SKAP1: variants seen among roughly 807,000 people sequenced by gnomAD.
SKAP1 encodes the protein src kinase associated phosphoprotein 1, also known as src kinase-associated phosphoprotein 1.
In SKAP1, 44 loss-of-function variants were observed where a neutral mutation model predicts 58.5. That is an observed-to-expected ratio of 0.75 (90% CI 0.59 to 0.97). The LOEUF is 0.97. Among genes scored for constraint, SKAP1 ranks in the 50% least tolerant of loss-of-function variants. The probability of loss-of-function intolerance (pLI) is 0.00; values close to 1 mark genes in which losing one functional copy is unlikely to be tolerated. For missense variants in SKAP1, 390 were observed against 435.2 expected, an observed-to-expected ratio of 0.90 and a Z score of 0.92; for synonymous variants, 127 against 149.7, an observed-to-expected ratio of 0.85 and a Z score of 1.11.
intron 4 of SKAP1, among the ~76,000 whole-genome samples, chr17:48,305,146 T>C (rs2066119566): frequency 6.6e-6 from 1 of 152,178 alleles, no homozygotes; most frequent in East Asian, 1.9e-4. Context: ...GGAATTCAAG[T>C]GTCAGTGTCA....
chr17:48,255,297 G>T (rs2065410286), intron 4 of SKAP1, among the ~76,000 whole-genome samples: 1 of 151,890 alleles, frequency 6.6e-6, no homozygotes, highest in Non-Finnish European at 1.5e-5. Flanking sequence ...CTCATTAAAG[G>T]TGACCTCCAC....
the SKAP1 span, among the ~76,000 whole-genome samples, chr17:48,443,872 A>C: frequency 1.3e-5 from 2 of 152,164 alleles, no homozygotes; most frequent in Non-Finnish European, 2.9e-5. Flanking sequence ...ATTCACTTGG[A>C]ATCATCAATT....
chr17:48,305,574 T>C (rs553417173), intron 4 of SKAP1, among the ~76,000 whole-genome samples: 1 of 152,340 alleles, frequency 6.6e-6, no homozygotes, highest in South Asian at 2.1e-4. Flanking sequence ...GGAGTGATGC[T>C]GGAAAAGATG....
intron 4 of SKAP1, among the ~76,000 whole-genome samples, chr17:48,256,397 G>A (rs987066892): frequency 2.6e-5 from 4 of 152,034 alleles, no homozygotes; most frequent in African/African-American, 9.7e-5. Flanking sequence ...AAAGGTGAAA[G>A]TGGTTAGCCA....
intron 4 of SKAP1, among the ~76,000 whole-genome samples, chr17:48,262,023 G>C (rs922082100): frequency 2.6e-5 from 4 of 152,106 alleles, no homozygotes; most frequent in Non-Finnish European, 4.4e-5. Context: ...TGCTGCCAAG[G>C]GTCTGCAACT....
At chr17:48,144,090 A>G (rs1417896644) in intron 11 of SKAP1, among the ~76,000 whole-genome samples, 1 of 152,184 alleles carries the variant, frequency 6.6e-6, no homozygotes, top group Non-Finnish European at 1.5e-5. Flanking sequence ...GAGTGAAATC[A>G]ACTCTCTGCC....
chr17:48,338,603 A>G (rs573945066), intron 4 of SKAP1, among the ~76,000 whole-genome samples: 1 of 152,286 alleles, frequency 6.6e-6, no homozygotes. Flanking sequence ...TGTTTTAGTG[A>G]AAGAAGCATT....
chr17:48,189,999 T>C (rs1294010419), intron 4 of SKAP1, among the ~76,000 whole-genome samples: 1 of 152,026 alleles, frequency 6.6e-6, no homozygotes, highest in Non-Finnish European at 1.5e-5. Flanking sequence ...TTTTCAATTA[T>C]ATCTAATGCT....
intron 4 of SKAP1, among the ~76,000 whole-genome samples, chr17:48,225,562 T>C (rs946412237): frequency 3.9e-5 from 6 of 152,220 alleles, no homozygotes; most frequent in Admixed American, 3.9e-4. Flanking sequence ...TTGTACCACA[T>C]GGATTATGCG....
intron 4 of SKAP1, among the ~76,000 whole-genome samples, chr17:48,221,514 C>G (rs1404417800): frequency 6.6e-6 from 1 of 152,120 alleles, no homozygotes; most frequent in Non-Finnish European, 1.5e-5. Context: ...ATAGGCATGG[C>G]TAAAAGAATT....
intron 4 of SKAP1, among the ~76,000 whole-genome samples, chr17:48,190,928 T>C (rs2064535058): frequency 6.6e-6 from 1 of 152,200 alleles, no homozygotes; most frequent in Admixed American, 6.5e-5. Context: ...GAGGTTGCAG[T>C]GAGCCGAGAT....
chr17:48,340,456 AT>A (rs1210557047), intron 4 of SKAP1, among the ~76,000 whole-genome samples: 1 of 152,154 alleles, frequency 6.6e-6, no homozygotes. Context: ...AATATAAAAG[AT>A]TTAAAGAGTA....
chr17:48,219,927 G>A (rs1479840921), intron 4 of SKAP1, among the ~76,000 whole-genome samples: 1 of 152,168 alleles, frequency 6.6e-6, no homozygotes, highest in African/African-American at 2.4e-5. Context: ...ATGTACAATG[G>A]AAGCAGGAAA....
intron 7 of SKAP1, among the ~76,000 whole-genome samples, chr17:48,183,450 T>C (rs1297605845): frequency 6.6e-6 from 1 of 152,168 alleles, no homozygotes; most frequent in Non-Finnish European, 1.5e-5. Flanking sequence ...TTTAAATGAA[T>C]CAACTTGAAA....
chr17:48,414,503 C>A (rs1377272480), intron 1 of SKAP1, among the ~76,000 whole-genome samples: 1 of 152,160 alleles, frequency 6.6e-6, no homozygotes, highest in Non-Finnish European at 1.5e-5. Flanking sequence ...TAGCAATATA[C>A]AGTATTTTAT....
At chr17:48,343,199 G>T (rs2144319385) in intron 4 of SKAP1, among the ~76,000 whole-genome samples, 1 of 151,988 alleles carries the variant, frequency 6.6e-6, no homozygotes, top group African/African-American at 2.4e-5. Flanking sequence ...GTGTTAACTA[G>T]GAATCTTTAA....
chr17:48,410,484 A>G (rs8080144), intron 1 of SKAP1, among the ~76,000 whole-genome samples: 26,215 of 152,038 alleles, frequency 0.17, 2,314 homozygotes, highest in Non-Finnish European at 0.19. Flanking sequence ...CAATAAAAGG[A>G]ACCTAGGCTC....
intron 9 of SKAP1, among the ~76,000 whole-genome samples, chr17:48,175,620 G>A (rs887627708): frequency 1.3e-5 from 2 of 152,240 alleles, no homozygotes; most frequent in Admixed American, 1.3e-4. Flanking sequence ...CACTTGGAAT[G>A]CACTGAATTT....
At chr17:48,424,248 C>T (rs1164805362) in intron 1 of SKAP1, among the ~76,000 whole-genome samples, 1 of 77,782 alleles carries the variant, frequency 1.3e-5, no homozygotes, top group Non-Finnish European at 2.4e-5. Context: ...TTTTTGAGAA[C>T]GGAGTCTCGC....
Sources: gnomAD v4.1 joint callset for allele counts (sites outside exome capture counted in the v4.1 genomes callset) on GRCh38, gnomAD v4.1.1 for gene constraint, MANE v1.5 for transcripts, NCBI Gene and HGNC (gene_info 2026-07-23, HGNC 2026-07-21) for gene names.